Variants in NFKBIZ observed in about 807,000 individuals in gnomAD.
NFKBIZ encodes the protein NF-kappa-B inhibitor zeta.
In NFKBIZ, 19 loss-of-function variants were observed where a neutral mutation model predicts 76.8. The ratio of observed to expected loss-of-function variants is 0.25; its 90% confidence interval spans 0.17 to 0.36. The LOEUF (loss-of-function observed/expected upper bound fraction) is 0.36, where lower values mean the gene tolerates loss of function less well. Ranked by LOEUF, NFKBIZ falls within the 10% of genes least tolerant of loss-of-function variation. NFKBIZ has a pLI of 1.00. For synonymous variants in NFKBIZ, 368 were observed against 354.8 expected, an observed-to-expected ratio of 1.04 and a Z score of -0.42; for missense variants, 829 against 910.9, an observed-to-expected ratio of 0.91 and a Z score of 1.16.
chr3:101,834,803 T>C (rs72939609), intron 2 of NFKBIZ, among the ~76,000 whole-genome samples: 1 of 152,240 alleles, frequency 6.6e-6, no homozygotes, highest in African/African-American at 2.4e-5. Context: ...GCAGAGTCTT[T>C]CCTGATCACT....
At chr3:101,835,898 A>G (rs1054705312) in intron 2 of NFKBIZ, among the ~76,000 whole-genome samples, 3 of 152,148 alleles carry the variant, frequency 2.0e-5, no homozygotes, top group Non-Finnish European at 2.9e-5. Flanking sequence ...CAGCAGGGGA[A>G]AACATGAATA....
intron 11 of NFKBIZ, chr3:101,858,463 T>C: frequency 1.0e-6 from 1 of 984,984 alleles, no homozygotes. Context: ...CAGTATTTGC[T>C]TCTACTTCAC....
chr3:101,855,038 C>T (rs370931321), intron 6 of NFKBIZ, 24 bp from the exon 7 acceptor site: 1 of 1,567,910 alleles, frequency 6.4e-7, no homozygotes, highest in Non-Finnish European at 8.6e-7. Context: ...TTTAAAATAT[C>T]TTTTTTCCTC....
chr3:101,837,689 T>C (rs1238130576), intron 2 of NFKBIZ, among the ~76,000 whole-genome samples: 1 of 152,126 alleles, frequency 6.6e-6, no homozygotes, highest in Admixed American at 6.5e-5. Context: ...TTCCATCCTC[T>C]CCTCTTTACT....
In NFKBIZ at chr3:101,853,527, T is replaced by G. The variant is rs1209588714; in HGVS notation, c.1001T>G (p.Phe334Cys). ...PNLFDGPESQ[F>C]CPNQSLVSLL... ...CTCTTTGATGGTCCAGAATCACAGT[T>G]TTGCCCAAACCAAAGCTTAGTTTCC... The change falls in exon 5 of 12, where the codon TTT becomes TGT. Residue 334 changes from phenylalanine (F) to cysteine (C), a missense_variant. By Grantham distance (205) the Phe-to-Cys change is radical. This residue lies in a region of NFKBIZ where 371 missense variants were observed against 332.3 expected (regional missense o/e 1.12). Transcript: ENST00000326172. 1 of 1,614,190 alleles carries G rather than the reference T, an allele frequency of 6.2e-7. No individual in the cohort carries two copies. Among genetic ancestry groups the G allele is most frequent in the South Asian group, 1.1e-5 (1 of 91,084 alleles).
intron 2 of NFKBIZ, among the ~76,000 whole-genome samples, chr3:101,838,104 C>T (rs778997498): frequency 5.3e-5 from 8 of 152,086 alleles, no homozygotes; most frequent in African/African-American, 1.9e-4. Flanking sequence ...AGCTTTTGTC[C>T]AACCTGTAAT....
At position 101,853,367 on chromosome 3, in the gene NFKBIZ, A is replaced by T. The variant is rs758173513; in HGVS notation, c.841A>T (p.Ile281Leu). 1 of 1,614,136 alleles carries T rather than the reference A, an allele frequency of 6.2e-7. No individual in the cohort carries two copies. The highest frequency in any genetic ancestry group is 1.1e-5 in the South Asian group (1 of 91,084). Residue 281 changes from isoleucine (I) to leucine (L), a missense_variant, in exon 5 of 12, where the codon ATA (isoleucine) becomes TTA (leucine). Coordinates refer to ENST00000326172, the MANE Select transcript of NFKBIZ (RefSeq NM_031419.4). Reference protein sequence around the residue: ...PFQVRGSQQMIDQASLYQYSP... With the variant: ...PFQVRGSQQMLDQASLYQYSP... Reference sequence around the variant, plus strand: ...CCAAGTCAGGGGCTCCCAACAAATGATAGACCAGGCTTCCCTGTACCAGTA... The same window carrying T: ...CCAAGTCAGGGGCTCCCAACAAATGTTAGACCAGGCTTCCCTGTACCAGTA...
At chr3:101,854,933 T>C in intron 6 of NFKBIZ, 129 bp from the exon 7 acceptor site, 1 of 1,049,012 alleles carries the variant, frequency 9.5e-7, no homozygotes, top group South Asian at 1.7e-5. Flanking sequence ...TCTTACAGTA[T>C]CTGATTGCTT....
At chr3:101,851,493 A>T (rs572723199) in intron 1 of NFKBIZ, among the ~76,000 whole-genome samples, 1 of 152,256 alleles carries the variant, frequency 6.6e-6, no homozygotes, top group East Asian at 1.9e-4. Context: ...AATAAGACAT[A>T]AATCTAAGAC....
chr3:101,836,381 C>T (rs1407998148), intron 2 of NFKBIZ, among the ~76,000 whole-genome samples: 1 of 152,236 alleles, frequency 6.6e-6, no homozygotes, highest in Non-Finnish European at 1.5e-5. Flanking sequence ...TAAAATAACA[C>T]CTCTGGCTTT....
At chr3:101,854,434 A>C (rs989045095) in intron 5 of NFKBIZ, 144 bp from the exon 6 acceptor site, 8 of 604,334 alleles carry the variant, frequency 1.3e-5, no homozygotes, top group Non-Finnish European at 2.4e-5. Context: ...TGTAGCAGAA[A>C]AGACAAATTA....
Position 101,852,286 on chromosome 3 carries a change from A to G in NFKBIZ, c.429+62A>G, listed in dbSNP as rs904189421. On this transcript the variant is annotated intron_variant, in intron 2 of 11. Transcript: ENST00000326172. ...GGAGAGGGGTTAGTCTGTCAGGGTT[A>G]TTATGATGACCTAGGTCCAGTCATC... The G allele has an allele frequency of 1.4e-5, 22 of 1,568,656 alleles. No individual in the cohort carries two copies. In the African/African-American group the frequency reaches 2.9e-4, roughly 20 times the overall value.
At chr3:101,857,682 G>C (rs1012826907) in intron 11 of NFKBIZ, 2 of 985,316 alleles carry the variant, frequency 2.0e-6, no homozygotes, top group Non-Finnish European at 2.4e-6. Context: ...ATGGTTAGAG[G>C]TCAGGTAGTA....
At chr3:101,858,272 T>C in intron 11 of NFKBIZ, 1 of 970,864 alleles carries the variant, frequency 1.0e-6, no homozygotes, top group South Asian at 4.8e-5. Flanking sequence ...GTAGCCCCTA[T>C]TTATAGAGCT....
chr3:101,852,326 A>C, intron 2 of NFKBIZ, 102 bp downstream of exon 2: 1 of 1,399,974 alleles, frequency 7.1e-7, no homozygotes, highest in Non-Finnish European at 9.7e-7. Flanking sequence ...AAGTCACTTG[A>C]AATTTTTCAT....
upstream of NFKBIZ, among the ~76,000 whole-genome samples, chr3:101,848,504 C>T (rs1249547316): frequency 6.6e-6 from 1 of 152,194 alleles, no homozygotes; most frequent in East Asian, 1.9e-4. Context: ...GCTCACTGAA[C>T]TTTGTATCCC....
chr3:101,829,120 T>C (rs1576802723), intron 1 of NFKBIZ, among the ~76,000 whole-genome samples: 2 of 152,246 alleles, frequency 1.3e-5, no homozygotes. Context: ...TGCCTGTTTA[T>C]TTATTTGGCC....
chr3:101,830,493 C>G (rs1051272256), intron 2 of NFKBIZ, among the ~76,000 whole-genome samples: 42 of 152,298 alleles, frequency 2.8e-4, no homozygotes, highest in African/African-American at 8.7e-4. Context: ...CCCCATCTAG[C>G]AGTCCTCAGT....
chr3:101,845,871 A>G (rs947371673), upstream of NFKBIZ, among the ~76,000 whole-genome samples: 1 of 152,196 alleles, frequency 6.6e-6, no homozygotes, highest in African/African-American at 2.4e-5. Context: ...CAGTATCTTT[A>G]GATGTAGACA....
Sources: allele counts gnomAD v4.1 joint callset (sites outside exome capture counted in the v4.1 genomes callset), GRCh38; gene constraint gnomAD v4.1.1; regional missense constraint gnomAD v4.1.1; transcripts MANE v1.5; gene names NCBI Gene and HGNC (gene_info 2026-07-23, HGNC 2026-07-21).